SMOC1: variants seen among roughly 807,000 people sequenced by gnomAD.
SMOC1 encodes SPARC-related modular calcium-binding protein 1.
In SMOC1, 22 loss-of-function variants were observed where a neutral mutation model predicts 56.3. The ratio of observed to expected loss-of-function variants is 0.39; its 90% confidence interval spans 0.28 to 0.56. SMOC1 has a LOEUF of 0.56. Ranked by LOEUF, SMOC1 falls within the 20% of genes least tolerant of loss-of-function variation. The pLI, the probability that SMOC1 is intolerant of heterozygous loss-of-function variation, is 0.61. For missense variants in SMOC1, 509 were observed against 565.4 expected (o/e 0.90, Z 1.01); for synonymous variants, 193 against 215.0 (o/e 0.90, Z 0.89).
intron 5 of SMOC1, among the ~76,000 whole-genome samples, chr14:69,989,892 G>C (rs76040851): frequency 0.016 from 2,436 of 152,366 alleles, 24 homozygotes; most frequent in Non-Finnish European, 0.027. Context: ...GGAGATGATG[G>C]TTAGAGGGTG....
At chr14:69,987,220 CA>C (rs1262559823) in intron 5 of SMOC1, among the ~76,000 whole-genome samples, 1 of 152,158 alleles carries the variant, frequency 6.6e-6, no homozygotes, top group South Asian at 2.1e-4. Flanking sequence ...ATGTCTTTTT[CA>C]AAGATGGACA....
In SMOC1 at chr14:69,994,196, C is replaced by T. The variant is rs1884679499; in HGVS notation, c.584-204C>T. 4 of 651,990 alleles carry T rather than the reference C, an allele frequency of 6.1e-6. No individual in the cohort carries two copies. In the East Asian group the frequency reaches 8.1e-5, roughly 13 times the overall value. The allele number at this position is 651,990 out of a possible 1,614,324, so 40.4% of individuals were successfully genotyped here. ...CCACTCTGCTTCCCAGCACAGGATG[C>T]CCTGATCGGCTCTTATGAGCTGTTG... On this transcript the variant is annotated intron_variant, in intron 6 of 11. Coordinates refer to ENST00000361956, the MANE Select transcript of SMOC1 (RefSeq NM_001034852.3).
At chr14:69,931,677 A>T (rs1295339012) in intron 1 of SMOC1, among the ~76,000 whole-genome samples, 1 of 152,354 alleles carries the variant, frequency 6.6e-6, no homozygotes, top group East Asian at 1.9e-4. Flanking sequence ...GAGGGAGACT[A>T]TGGCAGTACC....
intron 7 of SMOC1, among the ~76,000 whole-genome samples, chr14:69,996,348 C>A (rs1376146887): frequency 6.6e-6 from 1 of 152,194 alleles, no homozygotes; most frequent in Non-Finnish European, 1.5e-5. Flanking sequence ...TTGTCTCCAT[C>A]TTGCAGATGA....
intron 5 of SMOC1, among the ~76,000 whole-genome samples, chr14:69,982,608 T>C (rs1884219624): frequency 6.6e-6 from 1 of 152,242 alleles, no homozygotes; most frequent in Non-Finnish European, 1.5e-5. Context: ...TTCATTGCCC[T>C]GAGCCTGGCA....
In SMOC1 at chr14:69,961,272, G is replaced by GTGTATATATATA. The variant is rs1447169812; in HGVS notation, c.378+7741_378+7742insGTATATATATAT. ...TTATTGTCAAGCAATATTCTATTGT[G>GTGTATATATATA]TATATATATATATATATATATATAT... On this transcript the variant is annotated intron_variant, in intron 3 of 11. Transcript: ENST00000361956. Among the ~76,000 whole-genome samples the GTGTATATATATA allele has an allele frequency of 2.5e-4, 19 of 74,984 alleles. 1 individual carries two copies. Among genetic ancestry groups the GTGTATATATATA allele is most frequent in the South Asian group, 1.7e-3 (3 of 1,812 alleles). The allele number at this position is 74,984 out of a possible 152,430, so 49.2% of individuals were successfully genotyped here.
At chr14:69,961,284 A>G (rs986426921) in intron 3 of SMOC1, among the ~76,000 whole-genome samples, 1,917 of 68,606 alleles carry the variant, frequency 0.028, 47 homozygotes, top group Middle Eastern at 0.045. Context: ...ATATATATAT[A>G]TATATATATA....
intron 1 of SMOC1, among the ~76,000 whole-genome samples, chr14:69,930,469 G>C (rs530331005): frequency 6.6e-6 from 1 of 152,312 alleles, no homozygotes; most frequent in East Asian, 1.9e-4. Context: ...CCAAACTGTG[G>C]CTTTGGGGCA....
Position 69,994,384 on chromosome 14 carries a change from T to C in SMOC1, c.584-16T>C. ...CTTTGCCCAGACTTTTTCTCTCTCCTTTTCCTCACCCCTAGAAATCACAGC... is the reference window on the plus strand; with the variant it reads ...CTTTGCCCAGACTTTTTCTCTCTCCCTTTCCTCACCCCTAGAAATCACAGC... On this transcript the variant is annotated splice_polypyrimidine_tract_variant and intron_variant, in intron 6 of 11. Coordinates refer to ENST00000361956, the MANE Select transcript of SMOC1 (RefSeq NM_001034852.3). The C allele has an allele frequency of 6.2e-7, 1 of 1,607,972 alleles. No individual in the cohort carries two copies. The highest frequency in any genetic ancestry group is 8.5e-7 in the Non-Finnish European group (1 of 1,174,454).
intron 1 of SMOC1, among the ~76,000 whole-genome samples, chr14:69,901,280 C>T (rs1884235461): frequency 6.6e-6 from 1 of 152,226 alleles, no homozygotes; most frequent in Non-Finnish European, 1.5e-5. Flanking sequence ...GGGCCTGAAG[C>T]ACAGCTCTAA....
intron 4 of SMOC1, among the ~76,000 whole-genome samples, chr14:69,977,038 A>G (rs1037021166): frequency 1.3e-5 from 2 of 152,242 alleles, no homozygotes; most frequent in Non-Finnish European, 2.9e-5. Context: ...CCTCCTTTCA[A>G]ATGACCTGGA....
chr14:69,997,685 C>T (rs1010563524), intron 7 of SMOC1, among the ~76,000 whole-genome samples: 1 of 152,164 alleles, frequency 6.6e-6, no homozygotes, highest in Non-Finnish European at 1.5e-5. Context: ...ATGTCTTTTG[C>T]TAGCCACTTG....
At chr14:70,011,448 G>GCCCCACCCCAC in intron 8 of SMOC1, 37 bp from the exon 9 acceptor site, 2 of 1,356,890 alleles carry the variant, frequency 1.5e-6, no homozygotes, top group Non-Finnish European at 2.1e-6. Flanking sequence ...TCAGTTGCCA[G>GCCCCACCCCAC]CCCCTCCCAA....
chr14:69,959,642 G>GTTTTTTTT (rs1883301768), intron 3 of SMOC1, among the ~76,000 whole-genome samples: 1 of 150,748 alleles, frequency 6.6e-6, no homozygotes, highest in African/African-American at 2.5e-5. Context: ...ACATGTACCT[G>GTTTTTTTT]ATTTTTTTAT....
At chr14:69,889,331 G>T (rs1204553321) in intron 1 of SMOC1, among the ~76,000 whole-genome samples, 1 of 152,138 alleles carries the variant, frequency 6.6e-6, no homozygotes, top group South Asian at 2.1e-4. Context: ...TTACCTCCAC[G>T]CAGTCCTTCT....
rs750891455 is a variant in SMOC1 at position 70,013,474 on chromosome 14, G to C, written c.1029G>C (p.Ala343=). ...TDMVQAINSA[A]PTGGGRFSEP... ...TGGTTCAGGCCATTAACTCAGCAGC[G>C]CCCACTGGAGGTGGGAGGTGAGATT... The change falls in exon 10 of 12, where the codon GCG becomes GCC. Residue 343 remains alanine (A), a synonymous_variant. Coordinates refer to ENST00000361956, the MANE Select transcript of SMOC1 (RefSeq NM_001034852.3). The C allele has an allele frequency of 6.2e-7, 1 of 1,614,132 alleles. No individual in the cohort carries two copies. Among genetic ancestry groups the C allele is most frequent in the South Asian group, 1.1e-5 (1 of 91,088 alleles).
At position 70,030,345 on chromosome 14, in the gene SMOC1, T is replaced by A; in HGVS notation, c.*87T>A. On this transcript the variant is annotated 3_prime_UTR_variant, in exon 12 of 12. Coordinates refer to ENST00000361956, the MANE Select transcript of SMOC1 (RefSeq NM_001034852.3). ...TAACCTTCAGCGTTGCCCATGGCCCTGCCACATCCCGTGTAACATAAGTGG... is the reference window on the plus strand; with the variant it reads ...TAACCTTCAGCGTTGCCCATGGCCCAGCCACATCCCGTGTAACATAAGTGG... 6.6e-7 allele frequency: 1 copy of A among 1,524,236 alleles called. No homozygotes were observed. The highest frequency in any genetic ancestry group is 9.0e-7 in the Non-Finnish European group (1 of 1,110,278). The allele number at this position is 1,524,236 out of a possible 1,614,324, so 94.4% of individuals were successfully genotyped here. A position where few individuals can be genotyped will look rare whatever the true frequency, so the allele number is the denominator to read the frequency against.
chr14:69,988,517 G>C (rs1324145132), intron 5 of SMOC1, among the ~76,000 whole-genome samples: 1 of 152,110 alleles, frequency 6.6e-6, no homozygotes, highest in East Asian at 1.9e-4. Context: ...ATTTATTTGT[G>C]ATGACTTGGG....
At chr14:69,942,428 G>A (rs1474248129) in intron 1 of SMOC1, among the ~76,000 whole-genome samples, 2 of 152,142 alleles carry the variant, frequency 1.3e-5, no homozygotes, top group African/African-American at 4.8e-5. Context: ...TGTTTGCTGA[G>A]TTGTAATTTG....
Sources: gnomAD v4.1 joint callset for allele counts (sites outside exome capture counted in the v4.1 genomes callset) on GRCh38, gnomAD v4.1.1 for gene constraint, MANE v1.5 for transcripts, NCBI Gene and HGNC (gene_info 2026-07-23, HGNC 2026-07-21) for gene names.